The following PLEKHG3 variants were observed in gnomAD, a reference collection of about 807,000 sequenced individuals.
PLEKHG3 encodes the protein pleckstrin homology domain-containing family G member 3.
Under a neutral mutation model 94.9 loss-of-function variants are expected in PLEKHG3, and 62 were observed. That is an observed-to-expected ratio of 0.65 (90% CI 0.53 to 0.81). The LOEUF (loss-of-function observed/expected upper bound fraction) is 0.81. Among genes scored for constraint, PLEKHG3 ranks in the 30% least tolerant of loss-of-function variants. The pLI is 0.00. For synonymous variants in PLEKHG3, 614 were observed against 654.0 expected, an observed-to-expected ratio of 0.94 and a Z score of 0.93; for missense variants, 1,461 against 1,619.3, an observed-to-expected ratio of 0.90 and a Z score of 1.68.
chr14:64,711,557 G>T (rs1420010506), intron 1 of PLEKHG3, among the ~76,000 whole-genome samples: 2 of 152,154 alleles, frequency 1.3e-5, no homozygotes, highest in East Asian at 1.9e-4. Context: ...GGGACTACAG[G>T]CACCCACCAC....
chr14:64,725,700 G>A lies in PLEKHG3; in HGVS notation c.-39-1893G>A, dbSNP rs1479199570. On this transcript the variant is annotated intron_variant, in intron 1 of 16. Transcript: ENST00000247226. The surrounding 1 kb of genome is among the most constrained non-coding windows in gnomAD (Gnocchi z 5.0). ...GGGCTGCGGAGGGGAGCACTGGGCT[G>A]CCACTGAGTCCCCATCTGCAAGTTG... 6.6e-6 allele frequency among the ~76,000 whole-genome samples: 1 copy of A among 152,188 alleles called. No individual in the cohort carries two copies. The highest frequency in any genetic ancestry group is 1.5e-5 in the Non-Finnish European group (1 of 68,024).
In PLEKHG3 at chr14:64,749,558, G is replaced by A; in HGVS notation, c.*5855G>A. Reference sequence around the variant, plus strand: ...AGGCAACAATGGTGGGGGCTCTTGGGACTGCCCCTTCTGAGGGGGCCTCCA... The same window carrying A: ...AGGCAACAATGGTGGGGGCTCTTGGAACTGCCCCTTCTGAGGGGGCCTCCA... On this transcript the variant is annotated 3_prime_UTR_variant, in exon 17 of 17. Coordinates refer to ENST00000247226, the MANE Select transcript of PLEKHG3 (RefSeq NM_001308147.2). The surrounding 1 kb of genome is among the most constrained non-coding windows in gnomAD (Gnocchi z 4.7). The A allele has an allele frequency of 6.2e-7, 1 of 1,603,854 alleles. No homozygotes were observed. Among genetic ancestry groups the A allele is most frequent in the Non-Finnish European group, 8.5e-7 (1 of 1,178,666 alleles).
At position 64,749,569 on chromosome 14, in the gene PLEKHG3, C is replaced by A; in HGVS notation, c.*5866C>A. The A allele has an allele frequency of 6.2e-7, 1 of 1,606,252 alleles. No homozygotes were observed. The highest frequency in any genetic ancestry group is 8.5e-7 in the Non-Finnish European group (1 of 1,179,150). ...GTGGGGGCTCTTGGGACTGCCCCTT[C>A]TGAGGGGGCCTCCAGGGCAAGCGGC... is the stretch of plus-strand genomic sequence containing the variant. On this transcript the variant is annotated 3_prime_UTR_variant, in exon 17 of 17. Transcript: ENST00000247226. The surrounding 1 kb of genome is among the most constrained non-coding windows in gnomAD (Gnocchi z 4.7).
chr14:64,719,003 C>T lies in PLEKHG3; in HGVS notation c.-39-8590C>T, dbSNP rs904108172. Among the ~76,000 whole-genome samples the T allele has an allele frequency of 3.3e-5, 5 of 152,100 alleles. 1 individual carries two copies. Among genetic ancestry groups the T allele is most frequent in the African/African-American group, 1.2e-4 (5 of 41,470 alleles). ...CCGTGTGGATCCCAGAGGAATGCGC[C>T]TCTGGGATCTGCTATAGCTGCGGGA... is the stretch of plus-strand genomic sequence containing the variant. On this transcript the variant is annotated intron_variant, in intron 1 of 16. Transcript: ENST00000247226.
Position 64,729,102 on chromosome 14 carries a change from A to G in PLEKHG3, c.449+9A>G, listed in dbSNP as rs768231233. 2.3e-6 allele frequency: 3 copies of G among 1,326,010 alleles called. No individual in the cohort carries two copies. Among genetic ancestry groups the G allele is most frequent in the South Asian group, 2.5e-5 (2 of 79,270 alleles). The allele number at this position is 1,326,010 out of a possible 1,614,324, so 82.1% of individuals were successfully genotyped here. A position where few individuals can be genotyped will look rare whatever the true frequency, so the allele number is the denominator to read the frequency against. Reference sequence around the variant, plus strand: ...ATCTACGCGCTGAACAGGTGTGTGAATGGGCCTGACACTCACCATGTTCTG... The same window carrying G: ...ATCTACGCGCTGAACAGGTGTGTGAGTGGGCCTGACACTCACCATGTTCTG... On this transcript the variant is annotated intron_variant, in intron 3 of 16. Transcript: ENST00000247226.
chr14:64,741,039 G>C lies in PLEKHG3; in HGVS notation c.1522G>C (p.Glu508Gln). 6.3e-7 allele frequency: 1 copy of C among 1,578,670 alleles called. No individual in the cohort carries two copies. Among genetic ancestry groups the C allele is most frequent in the Non-Finnish European group, 8.6e-7 (1 of 1,160,176 alleles). ...FESISSLPEV[E>Q]PDPEAGSEQE... ...AGCCTTTTCTGCTATGTTTCAGGTT[G>C]AGCCGGACCCTGAGGCTGGGAGTGA... The change falls in exon 16 of 17, where the codon GAG becomes CAG. Residue 508 changes from glutamate (E) to glutamine (Q), a missense_variant. By Grantham distance (29) the Glu-to-Gln change is conservative (BLOSUM62 2). Around this residue, in one of 3 missense-constraint regions of PLEKHG3, gnomAD observed 1,201 missense variants for 1,295.5 expected, o/e 0.93. Coordinates refer to ENST00000247226, the MANE Select transcript of PLEKHG3 (RefSeq NM_001308147.2).
chr14:64,738,906 G>C lies in PLEKHG3; in HGVS notation c.1518+51G>C. ...GATAGTAGGAAGAACTTGGAGTCCA[G>C]ATTTTCAAGTCTGCAAATAGGGCTT... On this transcript the variant is annotated intron_variant, in intron 15 of 16. Transcript: ENST00000247226. This position sits in a 1 kb window ranked among gnomAD's most constrained non-coding sequence, Gnocchi z 4.8. 8.3e-7 allele frequency: 1 copy of C among 1,207,396 alleles called. No homozygotes were observed. The highest frequency in any genetic ancestry group is 1.9e-4 in the Middle Eastern group (1 of 5,242). 74.8% of individuals were successfully genotyped at this position (1,207,396 alleles called of 1,614,324 possible). A position where few individuals can be genotyped will look rare whatever the true frequency, so the allele number is the denominator to read the frequency against.
chr14:64,705,656 C>T (rs1335995412), intron 1 of PLEKHG3, among the ~76,000 whole-genome samples: 1 of 152,190 alleles, frequency 6.6e-6, no homozygotes, highest in African/African-American at 2.4e-5. Flanking sequence ...GTCACATGGC[C>T]CTTGCTCAAG....
chr14:64,709,931 T>C (rs2081041531), intron 1 of PLEKHG3, among the ~76,000 whole-genome samples: 1 of 152,200 alleles, frequency 6.6e-6, no homozygotes, highest in South Asian at 2.1e-4. Flanking sequence ...ATGCTCACAC[T>C]ATGAATGTTC....
rs540691526 is a variant in PLEKHG3, at chr14:64,741,264, A to G, written c.1747A>G (p.Met583Val). The G allele has an allele frequency of 1.6e-5, 26 of 1,613,874 alleles. No individual in the cohort carries two copies. The East Asian group carries it at 5.3e-4, about 33-fold the overall frequency. Residue 583 changes from methionine to valine, a missense_variant, in exon 16 of 17, where the codon ATG becomes GTG. Coordinates refer to ENST00000247226, the MANE Select transcript of PLEKHG3 (RefSeq NM_001308147.2). ...KALSSEEEEE[M>V]GGAAQEPESL... ...CCTGAGCAGCGAGGAGGAAGAAGAA[A>G]TGGGAGGTGCCGCCCAGGAGCCTGA... is the stretch of plus-strand genomic sequence containing the variant.
At position 64,745,148 on chromosome 14, in the gene PLEKHG3, G is replaced by C. The variant is rs1269526144; in HGVS notation, c.*1445G>C. The stretch of plus-strand genomic sequence containing the variant: ...CTGCAACATTGGATGAGGAGTACAA[G>C]TGCATTTTTCTGGGATGATTCCTCC... On this transcript the variant is annotated 3_prime_UTR_variant, in exon 17 of 17. Coordinates refer to ENST00000247226, the MANE Select transcript of PLEKHG3 (RefSeq NM_001308147.2). This position sits in a 1 kb window ranked among gnomAD's most constrained non-coding sequence, Gnocchi z 5.0. The C allele has an allele frequency of 2.0e-5, 3 of 152,262 alleles. No individual in the cohort carries two copies. The highest frequency in any genetic ancestry group is 7.2e-5 in the African/African-American group (3 of 41,454). 9.4% of individuals were successfully genotyped at this position (152,262 alleles called of 1,614,324 possible).
chr14:64,719,752 C>G (rs1232464120), intron 1 of PLEKHG3, among the ~76,000 whole-genome samples: 1 of 152,020 alleles, frequency 6.6e-6, no homozygotes, highest in East Asian at 1.9e-4. Flanking sequence ...CTCCTACCCA[C>G]CCACCCCGCT....
chr14:64,728,142 C>A lies in PLEKHG3; in HGVS notation c.351+160C>A, dbSNP rs1452979097. 1.3e-5 allele frequency among the ~76,000 whole-genome samples: 2 copies of A among 152,226 alleles called. No individual in the cohort carries two copies. Among genetic ancestry groups the A allele is most frequent in the African/African-American group, 4.8e-5 (2 of 41,456 alleles). On this transcript the variant is annotated intron_variant, in intron 2 of 16. Transcript: ENST00000247226. This position sits in a 1 kb window ranked among gnomAD's most constrained non-coding sequence, Gnocchi z 5.9. ...GAAAGCTGTTGACCCCTGAGGCTTCCCTAGGACCTTGGGCCAGATCAGTAG... is the reference window on the plus strand; with the variant it reads ...GAAAGCTGTTGACCCCTGAGGCTTCACTAGGACCTTGGGCCAGATCAGTAG...
rs73273523 is a variant in PLEKHG3, at chr14:64,725,843, G to A, written c.-39-1750G>A. 2.4e-4 allele frequency among the ~76,000 whole-genome samples: 37 copies of A among 152,268 alleles called. No individual in the cohort carries two copies. The highest frequency in any genetic ancestry group is 8.7e-4 in the African/African-American group (36 of 41,550). On this transcript the variant is annotated intron_variant, in intron 1 of 16. Transcript: ENST00000247226. The surrounding 1 kb of genome is among the most constrained non-coding windows in gnomAD (Gnocchi z 5.0). Reference sequence around the variant, plus strand: ...GCAGGTGGTAAGTAGGTCTTGAGGCGCTTGATCTGTACCTCAGTAAAAGCA... The same window carrying A: ...GCAGGTGGTAAGTAGGTCTTGAGGCACTTGATCTGTACCTCAGTAAAAGCA...
At position 64,726,299 on chromosome 14, in the gene PLEKHG3, C is replaced by T. The variant is rs1280900699; in HGVS notation, c.-39-1294C>T. Among the ~76,000 whole-genome samples, 2 of 152,148 alleles carry T rather than the reference C, an allele frequency of 1.3e-5. No individual in the cohort carries two copies. The highest frequency in any genetic ancestry group is 4.8e-5 in the African/African-American group (2 of 41,420). On this transcript the variant is annotated intron_variant, in intron 1 of 16. Coordinates refer to ENST00000247226, the MANE Select transcript of PLEKHG3 (RefSeq NM_001308147.2). The surrounding 1 kb of genome is among the most constrained non-coding windows in gnomAD (Gnocchi z 5.1). ...AGCTTCTAGATTCTTCTCCTTGTAG[C>T]TCAAGTCTCTGCCCTTTAGTCATGT...
Position 64,750,071 on chromosome 14 carries a change from G to C in PLEKHG3, c.*6368G>C, listed in dbSNP as rs1301471898. 6.2e-7 allele frequency: 1 copy of C among 1,614,156 alleles called. No individual in the cohort carries two copies. Among genetic ancestry groups the C allele is most frequent in the African/African-American group, 1.3e-5 (1 of 75,044 alleles). On this transcript the variant is annotated 3_prime_UTR_variant, in exon 17 of 17. Coordinates refer to ENST00000247226, the MANE Select transcript of PLEKHG3 (RefSeq NM_001308147.2). The stretch of plus-strand genomic sequence containing the variant: ...GGCCAGGGGTTCCTCCCCATGGTAG[G>C]GCATCCCCAGGGCCAGGTTCTTGGC...
chr14:64,742,515 G>A (rs2081725511), intron 16 of PLEKHG3, 60 bp downstream of exon 16: 25 of 1,290,946 alleles, frequency 1.9e-5, no homozygotes, highest in Non-Finnish European at 2.6e-5. Flanking sequence ...AGTCAATAAG[G>A]AGCCACTTGG....
In PLEKHG3 at chr14:64,716,513, ACACACACACACAC is replaced by A. The variant is rs2081164184; in HGVS notation, c.-39-11079_-39-11067del. Among the ~76,000 whole-genome samples, 2 of 134,210 alleles carry A rather than the reference ACACACACACACAC, an allele frequency of 1.5e-5. No individual in the cohort carries two copies. Among genetic ancestry groups the A allele is most frequent in the African/African-American group, 5.8e-5 (2 of 34,620 alleles). 88.0% of individuals were successfully genotyped at this position (134,210 alleles called of 152,430 possible). A position where few individuals can be genotyped will look rare whatever the true frequency, so the allele number is the denominator to read the frequency against. On this transcript the variant is annotated intron_variant, in intron 1 of 16. Transcript: ENST00000247226. The surrounding 1 kb of genome is among the most constrained non-coding windows in gnomAD (Gnocchi z 5.0). ...ACACACACAACACACACACACACAC[ACACACACACACAC>A]ACACACACACACACACACACACACA...
chr14:64,710,616 G>A (rs1446808507), intron 1 of PLEKHG3, among the ~76,000 whole-genome samples: 1 of 152,036 alleles, frequency 6.6e-6, no homozygotes, highest in Non-Finnish European at 1.5e-5. Context: ...GGTTGCAGTG[G>A]GCCGAGATTG....
Sources: allele counts gnomAD v4.1 joint callset (sites outside exome capture counted in the v4.1 genomes callset), GRCh38; gene constraint gnomAD v4.1.1; regional missense constraint gnomAD v4.1.1; non-coding constraint Gnocchi (gnomAD v3.1); transcripts MANE v1.5; gene names NCBI Gene and HGNC (gene_info 2026-07-23, HGNC 2026-07-21).